The following FHIP2A variants were observed in gnomAD, a reference collection of about 807,000 sequenced individuals.
FHIP2A encodes the protein FHF complex subunit HOOK interacting protein 2A.
In FHIP2A, 46 loss-of-function variants were observed where a neutral mutation model predicts 93.5. The ratio of observed to expected loss-of-function variants is 0.49; its 90% CI spans 0.39 to 0.63. The LOEUF is 0.63. Among genes scored for constraint, FHIP2A ranks in the 20% least tolerant of loss-of-function variants. The pLI is 0.00. For synonymous variants in FHIP2A, 332 were observed against 326.5 expected, an observed-to-expected ratio of 1.02 and a Z score of -0.18; for missense variants, 769 against 909.7, an observed-to-expected ratio of 0.85 and a Z score of 1.99.
At chr10:114,887,296 A>C (rs2083948077) in intron 16 of FHIP2A, among the ~76,000 whole-genome samples, 1 of 152,248 alleles carries the variant, frequency 6.6e-6, no homozygotes, top group South Asian at 2.1e-4. Context: ...TTTAGCCATA[A>C]GTAACAATAC....
chr10:114,898,799 A>G (rs2084013136), intron 16 of FHIP2A, among the ~76,000 whole-genome samples: 1 of 152,206 alleles, frequency 6.6e-6, no homozygotes, highest in Non-Finnish European at 1.5e-5. Flanking sequence ...TAATGCACAG[A>G]GAAGCACTTA....
At chr10:114,894,517 G>T (rs942143) in intron 16 of FHIP2A, among the ~76,000 whole-genome samples, 70,249 of 152,070 alleles carry the variant, frequency 0.46, 17,139 homozygotes, top group African/African-American at 0.61. Context: ...TGCAGTGAGC[G>T]GTGATTGTGC....
chr10:114,864,144 T>C lies in FHIP2A; in HGVS notation c.*2604T>C, dbSNP rs1276905025. The C allele has an allele frequency of 1.0e-6, 1 of 981,312 alleles. No homozygotes were observed. Among genetic ancestry groups the C allele is most frequent in the Admixed American group, 6.2e-5 (1 of 16,252 alleles). 60.8% of individuals were successfully genotyped at this position (981,312 alleles called of 1,614,324 possible). ...TATGTATATATATAAGGACCAAAAT[T>C]CTTAGCTCGCTTACACTGTTGCTAG... On this transcript the variant is annotated 3_prime_UTR_variant, in exon 17 of 17. Transcript: ENST00000369248.
In FHIP2A at chr10:114,862,834, T is replaced by C. The variant is rs1487341366; in HGVS notation, c.*1294T>C. ...TTCTTCATCTTTCCATTTACTGATATTTGGGGGAACAGGCTATCAAAGGTT... is the reference window on the plus strand; with the variant it reads ...TTCTTCATCTTTCCATTTACTGATACTTGGGGGAACAGGCTATCAAAGGTT... On this transcript the variant is annotated 3_prime_UTR_variant, in exon 17 of 17. Transcript: ENST00000369248. 1 of 985,368 alleles carries C rather than the reference T, an allele frequency of 1.0e-6. No individual in the cohort carries two copies. The highest frequency in any genetic ancestry group is 1.1e-4 in the East Asian group (1 of 8,834). 61.0% of individuals were successfully genotyped at this position (985,368 alleles called of 1,614,324 possible). A position where few individuals can be genotyped will look rare whatever the true frequency, so the allele number is the denominator to read the frequency against.
chr10:114,840,349 G>A (rs534493511), intron 5 of FHIP2A, among the ~76,000 whole-genome samples: 7 of 152,350 alleles, frequency 4.6e-5, no homozygotes, highest in South Asian at 4.1e-4. Context: ...GTGGCAAGAA[G>A]CACCTGAACA....
chr10:114,893,288 A>C (rs1029872991), intron 16 of FHIP2A, among the ~76,000 whole-genome samples: 4 of 152,246 alleles, frequency 2.6e-5, no homozygotes, highest in Admixed American at 2.0e-4. Flanking sequence ...ATTTCTGAGA[A>C]AAGGTTGATT....
downstream of FHIP2A, among the ~76,000 whole-genome samples, chr10:114,866,133 C>T (rs1236838967): frequency 1.3e-5 from 2 of 152,022 alleles, no homozygotes; most frequent in Non-Finnish European, 2.9e-5. Flanking sequence ...CTCCCCACCC[C>T]GCCCCCAGCA....
chr10:114,841,139 T>G (rs2083666142), intron 5 of FHIP2A, among the ~76,000 whole-genome samples: 1 of 152,114 alleles, frequency 6.6e-6, no homozygotes, highest in African/African-American at 2.4e-5. Flanking sequence ...CAATCTTGAG[T>G]CTTACTTTGA....
intron 16 of FHIP2A, among the ~76,000 whole-genome samples, chr10:114,897,038 A>G (rs1205032421): frequency 6.6e-6 from 1 of 152,166 alleles, no homozygotes; most frequent in African/African-American, 2.4e-5. Context: ...GCTAGCCGTA[A>G]TAAAAAAAAA....
chr10:114,880,196 G>A (rs2083909978), intron 16 of FHIP2A, among the ~76,000 whole-genome samples: 1 of 152,186 alleles, frequency 6.6e-6, no homozygotes, highest in Non-Finnish European at 1.5e-5. Context: ...GCTTGCCTAA[G>A]GCTGGGGGTT....
intron 16 of FHIP2A, among the ~76,000 whole-genome samples, chr10:114,875,734 GAGAAAGAAAGAAAGAAAGAGAA>G (rs2083882159): frequency 6.8e-6 from 1 of 146,806 alleles, no homozygotes; most frequent in East Asian, 2.0e-4. Context: ...AAGAAAGAGA[GAGAAAGAAAGAAAGAAAGAGAA>G]AGAAAGAAAG....
rs1311073537 is a variant in FHIP2A at position 114,861,422 on chromosome 10, T to C, written c.2193-13T>C. Reference sequence around the variant, plus strand: ...ATCTTGAATTGATTTATTGTCTGTTTTTTCCTTACCAGTATTGACCACATC... The same window carrying C: ...ATCTTGAATTGATTTATTGTCTGTTCTTTCCTTACCAGTATTGACCACATC... On this transcript the variant is annotated splice_polypyrimidine_tract_variant and intron_variant, in intron 16 of 16. Coordinates refer to ENST00000369248, the MANE Select transcript of FHIP2A (RefSeq NM_020940.4). The C allele has an allele frequency of 6.2e-7, 1 of 1,614,028 alleles. No individual in the cohort carries two copies. The highest frequency in any genetic ancestry group is 1.7e-5 in the Admixed American group (1 of 59,988).
In FHIP2A at chr10:114,836,258, T is replaced by G. The variant is rs1483915547; in HGVS notation, c.522+12T>G. 8 of 1,562,354 alleles carry G rather than the reference T, an allele frequency of 5.1e-6. No individual in the cohort carries two copies. The highest frequency in any genetic ancestry group is 7.0e-6 in the Non-Finnish European group (8 of 1,143,984). On this transcript the variant is annotated intron_variant, in intron 5 of 16. Coordinates refer to ENST00000369248, the MANE Select transcript of FHIP2A (RefSeq NM_020940.4). ...ACTTTTTCCTAGAGGTATGATACAC[T>G]TTTTATCAACTTTCAAACTGTAGTT...
chr10:114,854,715 G>A (rs2083756950), intron 13 of FHIP2A, among the ~76,000 whole-genome samples: 1 of 152,148 alleles, frequency 6.6e-6, no homozygotes, highest in South Asian at 2.1e-4. Context: ...CCTTTGAGTA[G>A]CACTGTTTGA....
chr10:114,834,063 C>A (rs2083623489), intron 3 of FHIP2A, among the ~76,000 whole-genome samples: 1 of 152,090 alleles, frequency 6.6e-6, no homozygotes, highest in Admixed American at 6.5e-5. Flanking sequence ...GAAGTGTTTG[C>A]TAAGGGGCCT....
rs755057978 is a variant in FHIP2A at position 114,855,187 on chromosome 10, T to A, written c.1804-10T>A. 7 of 1,596,130 alleles carry A rather than the reference T, an allele frequency of 4.4e-6. No homozygotes were observed. The East Asian group carries it at 1.6e-4, about 36-fold the overall frequency. On this transcript the variant is annotated splice_polypyrimidine_tract_variant and intron_variant, in intron 13 of 16. Coordinates refer to ENST00000369248, the MANE Select transcript of FHIP2A (RefSeq NM_020940.4). Reference sequence around the variant, plus strand: ...GTTCTTTAATGATTCACATGCTTTTTTCCCCCTAGTTCCGAGACTACTGTG... The same window carrying A: ...GTTCTTTAATGATTCACATGCTTTTATCCCCCTAGTTCCGAGACTACTGTG...
chr10:114,822,639 G>A (rs1245368914), intron 1 of FHIP2A, among the ~76,000 whole-genome samples: 1 of 152,238 alleles, frequency 6.6e-6, no homozygotes, highest in Non-Finnish European at 1.5e-5. Flanking sequence ...TCTCGCTGTG[G>A]GGCGTCCCTG....
chr10:114,874,633 G>A (rs2083875087), intron 16 of FHIP2A, among the ~76,000 whole-genome samples: 1 of 152,308 alleles, frequency 6.6e-6, no homozygotes, highest in South Asian at 2.1e-4. Context: ...CTCCTGAGCA[G>A]CTGGGATTAC....
At chr10:114,839,519 A>G (rs1426778790) in intron 5 of FHIP2A, among the ~76,000 whole-genome samples, 1 of 152,186 alleles carries the variant, frequency 6.6e-6, no homozygotes, top group Non-Finnish European at 1.5e-5. Flanking sequence ...ATCTTTCTCT[A>G]TTCATTACTG....
Sources: allele counts gnomAD v4.1 joint callset (sites outside exome capture counted in the v4.1 genomes callset), GRCh38; gene constraint gnomAD v4.1.1; transcripts MANE v1.5; gene names NCBI Gene and HGNC (gene_info 2026-07-23, HGNC 2026-07-21).